SEMA5A: variants seen among roughly 807,000 people sequenced by gnomAD.
The protein encoded by SEMA5A is semaphorin-5A.
A neutral mutation model predicts 135.5 loss-of-function variants in SEMA5A; 55 were observed. That is an observed-to-expected ratio of 0.41 (90% CI 0.33 to 0.51). The LOEUF is 0.51. Ranked by LOEUF, SEMA5A falls within the 20% of genes least tolerant of loss-of-function variation. The pLI, the probability that SEMA5A is intolerant of heterozygous loss-of-function variation, is 0.37. For missense variants in SEMA5A, 1,290 were observed against 1,419.9 expected (o/e 0.91, Z 1.47); for synonymous variants, 580 against 546.5 (o/e 1.06, Z -0.85).
intron 16 of SEMA5A, among the ~76,000 whole-genome samples, chr5:9,074,165 A>T (rs1262749657): frequency 6.6e-6 from 1 of 152,216 alleles, no homozygotes; most frequent in Non-Finnish European, 1.5e-5. Context: ...GCAAAAGAAC[A>T]GAATGGAAAG....
intron 1 of SEMA5A, among the ~76,000 whole-genome samples, chr5:9,486,171 C>A (rs776761747): frequency 6.6e-6 from 1 of 152,032 alleles, no homozygotes; most frequent in Non-Finnish European, 1.5e-5. Flanking sequence ...AACACAGGAA[C>A]AGAAAACGCA....
At chr5:9,390,166 A>C (rs1472440660) in intron 2 of SEMA5A, among the ~76,000 whole-genome samples, 2 of 152,244 alleles carry the variant, frequency 1.3e-5, no homozygotes, top group Non-Finnish European at 2.9e-5. Flanking sequence ...AAATATAAAG[A>C]TTCCCATGGT....
chr5:9,399,734 T>A (rs1432103198), intron 2 of SEMA5A, among the ~76,000 whole-genome samples: 1 of 152,084 alleles, frequency 6.6e-6, no homozygotes, highest in Admixed American at 6.6e-5. Flanking sequence ...GATTAGGGTG[T>A]GGCTGATGAC....
intron 6 of SEMA5A, among the ~76,000 whole-genome samples, chr5:9,236,276 T>C (rs1353073594): frequency 6.6e-6 from 1 of 152,068 alleles, no homozygotes; most frequent in Non-Finnish European, 1.5e-5. Context: ...CATGGAACAG[T>C]GGTGCTTGCA....
chr5:9,138,754 C>T (rs372847211), intron 12 of SEMA5A, among the ~76,000 whole-genome samples: 16 of 152,154 alleles, frequency 1.1e-4, no homozygotes, highest in Non-Finnish European at 2.2e-4. Context: ...TCCCTCACCC[C>T]CTTCCTACAC....
At chr5:9,061,850 T>C (rs192957342) in intron 18 of SEMA5A, among the ~76,000 whole-genome samples, 1 of 152,226 alleles carries the variant, frequency 6.6e-6, no homozygotes, top group Admixed American at 6.5e-5. Context: ...GTAGACCTTT[T>C]GTGACAGAAG....
At chr5:9,374,986 T>C (rs1438830945) in intron 3 of SEMA5A, among the ~76,000 whole-genome samples, 1 of 152,184 alleles carries the variant, frequency 6.6e-6, no homozygotes, top group Non-Finnish European at 1.5e-5. Context: ...GCCTCTTCCT[T>C]CACCTCATTC....
At chr5:9,191,569 T>C (rs42195) in intron 10 of SEMA5A, among the ~76,000 whole-genome samples, 151,030 of 152,358 alleles carry the variant, frequency 0.99, 74,868 homozygotes, top group East Asian at 1. Context: ...ATGTCTAATA[T>C]GTGGTTTTAT....
chr5:9,489,348 A>T, intron 1 of SEMA5A, among the ~76,000 whole-genome samples: 1 of 152,142 alleles, frequency 6.6e-6, no homozygotes, highest in East Asian at 1.9e-4. Context: ...ATCTAATTAA[A>T]ATTATGCAAA....
chr5:9,403,279 G>A lies in SEMA5A; in HGVS notation c.-77-23256C>T, dbSNP rs79014854. 1.0e-3 allele frequency among the ~76,000 whole-genome samples: 156 copies of A among 152,214 alleles called. 1 individual carries two copies. Among genetic ancestry groups the A allele is most frequent in the Non-Finnish European group, 1.6e-3 (108 of 68,020 alleles). On this transcript the variant is annotated intron_variant, in intron 2 of 22. Coordinates refer to ENST00000382496, the MANE Select transcript of SEMA5A (RefSeq NM_003966.3). ...TTAACTCCCCAATACAAACCAGACC[G>A]TAAGCAAAGACACTCTTTTAGTACA...
chr5:9,068,385 G>A lies in SEMA5A; in HGVS notation c.2074-1739C>T, dbSNP rs551104070. Among the ~76,000 whole-genome samples the A allele has an allele frequency of 7.2e-5, 11 of 152,302 alleles. No homozygotes were observed. In the East Asian group the frequency reaches 2.1e-3, roughly 29 times the overall value. ...AGAGACCCCTGAGAAGACTGCTCCA[G>A]TGTCTTGCCTGTCTGGATGCTGGAG... On this transcript the variant is annotated intron_variant, in intron 16 of 22. Coordinates refer to ENST00000382496, the MANE Select transcript of SEMA5A (RefSeq NM_003966.3).
At chr5:9,363,508 TG>T (rs1341031795) in intron 3 of SEMA5A, 1 of 152,194 alleles carries the variant, frequency 6.6e-6, no homozygotes, top group African/African-American at 2.4e-5. Flanking sequence ...GAAGGTCACA[TG>T]GTGAGACTGG....
intron 8 of SEMA5A, among the ~76,000 whole-genome samples, chr5:9,217,709 T>C (rs77026915): frequency 0.013 from 1,920 of 152,352 alleles, 45 homozygotes; most frequent in African/African-American, 0.043. Flanking sequence ...TTATTCTTTT[T>C]TCTTTGACTG....
chr5:9,523,553 G>A (rs1006365785), intron 1 of SEMA5A, among the ~76,000 whole-genome samples: 3 of 152,042 alleles, frequency 2.0e-5, no homozygotes, highest in Non-Finnish European at 4.4e-5. Context: ...TCTATAACGA[G>A]GGACAAAGGG....
At chr5:9,062,765 C>A in intron 18 of SEMA5A, 122 bp downstream of exon 18, 1 of 1,009,648 alleles carries the variant, frequency 9.9e-7, no homozygotes, top group South Asian at 1.5e-5. Context: ...ATAGCCAAGA[C>A]ATTTATTAAG....
At chr5:9,454,474 T>A (rs1418877219) in intron 1 of SEMA5A, among the ~76,000 whole-genome samples, 1 of 152,228 alleles carries the variant, frequency 6.6e-6, no homozygotes, top group Non-Finnish European at 1.5e-5. Flanking sequence ...CTGTGTTGAA[T>A]TGAAAAAGGT....
At chr5:9,142,127 T>C (rs1742096074) in intron 12 of SEMA5A, among the ~76,000 whole-genome samples, 1 of 152,178 alleles carries the variant, frequency 6.6e-6, no homozygotes, top group Non-Finnish European at 1.5e-5. Flanking sequence ...ATTAAATAGT[T>C]ACATGATAAA....
In SEMA5A at chr5:9,256,084, C is replaced by G. The variant is rs116503088; in HGVS notation, c.271-18194G>C. On this transcript the variant is annotated intron_variant, in intron 5 of 22. Coordinates refer to ENST00000382496, the MANE Select transcript of SEMA5A (RefSeq NM_003966.3). ...TGCGTCCATTTCTCTACCAGTAACT[C>G]TTGCCTAAATTCTAATGCAATTTCC... is the stretch of plus-strand genomic sequence containing the variant. Among the ~76,000 whole-genome samples the G allele has an allele frequency of 8.3e-3, 1,270 of 152,326 alleles. 15 individuals carry two copies. The highest frequency in any genetic ancestry group is 0.029 in the African/African-American group (1,223 of 41,580).
intron 6 of SEMA5A, 31 bp from the exon 7 acceptor site, chr5:9,226,998 T>A (rs181058652): frequency 0.012 from 10,936 of 946,488 alleles, 91 homozygotes; most frequent in African/African-American, 0.013. Context: ...TAATTAAAAA[T>A]ATATATATAT....
Sources: allele counts gnomAD v4.1 joint callset (sites outside exome capture counted in the v4.1 genomes callset), GRCh38; gene constraint gnomAD v4.1.1; transcripts MANE v1.5; gene names NCBI Gene and HGNC (gene_info 2026-07-23, HGNC 2026-07-21).